NTRK3: variants seen among roughly 807,000 people sequenced by gnomAD.
NTRK3 encodes NT-3 growth factor receptor.
NTRK3 carries 24 observed loss-of-function variants against 91.7 expected under a neutral mutation model. That is an observed-to-expected ratio of 0.26 (90% CI 0.19 to 0.37). NTRK3 has a LOEUF of 0.37. Ranked by LOEUF, NTRK3 falls within the 10% of genes least tolerant of loss-of-function variation. NTRK3 has a pLI of 1.00. For synonymous variants in NTRK3, 483 were observed against 404.0 expected (o/e 1.20, Z -2.34); for missense variants, 880 against 1,068.9 (o/e 0.82, Z 2.46).
intron 13 of NTRK3, among the ~76,000 whole-genome samples, chr15:88,046,073 C>T (rs1043549971): frequency 1.3e-5 from 2 of 152,112 alleles, no homozygotes; most frequent in African/African-American, 4.8e-5. Context: ...TCTTCAGCAC[C>T]CAGGCTGGAG....
chr15:88,252,065 A>G (rs1470665219), intron 3 of NTRK3, among the ~76,000 whole-genome samples: 1 of 152,136 alleles, frequency 6.6e-6, no homozygotes, highest in East Asian at 1.9e-4. Flanking sequence ...TCAGGAGACC[A>G]AGGTCTCCAG....
At chr15:88,185,660 T>C (rs967738384) in intron 3 of NTRK3, among the ~76,000 whole-genome samples, 5 of 151,946 alleles carry the variant, frequency 3.3e-5, no homozygotes, top group Non-Finnish European at 7.4e-5. Context: ...TGCAGAGAGG[T>C]GACAGCTCAT....
At chr15:87,903,020 A>G (rs1466790709) in intron 17 of NTRK3, among the ~76,000 whole-genome samples, 1 of 152,198 alleles carries the variant, frequency 6.6e-6, no homozygotes, top group Non-Finnish European at 1.5e-5. Context: ...TGTCTGAACT[A>G]AAAGCTTTCC....
At chr15:88,007,347 T>G (rs562663114) in intron 14 of NTRK3, among the ~76,000 whole-genome samples, 1 of 152,156 alleles carries the variant, frequency 6.6e-6, no homozygotes, top group Non-Finnish European at 1.5e-5. Context: ...AATACCATAC[T>G]GTTGGCTAAG....
intron 13 of NTRK3, among the ~76,000 whole-genome samples, chr15:88,091,428 T>C (rs2049003755): frequency 6.6e-6 from 1 of 152,244 alleles, no homozygotes; most frequent in African/African-American, 2.4e-5. Context: ...TACCTTCACT[T>C]ATCGTTTCCT....
rs180722654 is a variant in NTRK3 at position 88,175,660 on chromosome 15, A to C, written c.395+7758T>G. On this transcript the variant is annotated intron_variant, in intron 5 of 18. Coordinates refer to ENST00000394480, the Ensembl canonical transcript of NTRK3. ...CAATTTTCTAAAGAATAATAACAGCAATCTCCACTAACATATATTGGGTCA... is the reference window on the plus strand; with the variant it reads ...CAATTTTCTAAAGAATAATAACAGCCATCTCCACTAACATATATTGGGTCA... Among the ~76,000 whole-genome samples, 5 of 152,292 alleles carry C rather than the reference A, an allele frequency of 3.3e-5. No homozygotes were observed. The East Asian group carries it at 9.6e-4, about 29-fold the overall frequency.
At chr15:88,173,121 C>T (rs1417721932) in intron 5 of NTRK3, among the ~76,000 whole-genome samples, 1 of 152,250 alleles carries the variant, frequency 6.6e-6, no homozygotes, top group Admixed American at 6.5e-5. Flanking sequence ...TAAAAGAGGA[C>T]AATAAAGGCG....
rs2277580 is a variant in NTRK3, at chr15:87,933,134, G to A, written c.1767C>T (p.Ala589=). 7,555 of 1,614,048 alleles carry A rather than the reference G, an allele frequency of 4.7e-3. 462 individuals are homozygous for A. The East Asian group carries it at 0.14, about 29-fold the overall frequency. Residue 589 remains alanine, a synonymous_variant, in exon 16 of 19, where the codon GCC becomes GCT. Transcript: ENST00000394480. ...CATGCTGCAGGTTGGTGAGCAGCTC[G>A]GCCTCCCTCTGGAAATCCTTCCGGG...
At chr15:88,191,522 G>C (rs146151790) in intron 3 of NTRK3, among the ~76,000 whole-genome samples, 1 of 152,294 alleles carries the variant, frequency 6.6e-6, no homozygotes, top group East Asian at 1.9e-4. Flanking sequence ...TTGCATACAG[G>C]TGTCCCTTCT....
chr15:88,131,869 G>C (rs1364810389), intron 10 of NTRK3: 2 of 185,364 alleles, frequency 1.1e-5, no homozygotes, highest in African/African-American at 4.7e-5. Context: ...GGAAGAGGAT[G>C]GTACCCAGGA....
intron 14 of NTRK3, among the ~76,000 whole-genome samples, chr15:88,027,314 G>A (rs1394517668): frequency 6.6e-6 from 1 of 152,128 alleles, no homozygotes; most frequent in Non-Finnish European, 1.5e-5. Context: ...TAAAACACCA[G>A]CCCAGTGCTT....
At chr15:88,221,298 ACAAC>A (rs2050212197) in intron 3 of NTRK3, among the ~76,000 whole-genome samples, 2 of 152,222 alleles carry the variant, frequency 1.3e-5, no homozygotes, top group Admixed American at 1.3e-4. Flanking sequence ...TGATGGATGG[ACAAC>A]TTGAATCCTA....
chr15:88,152,114 A>G (rs2043436733), intron 5 of NTRK3, among the ~76,000 whole-genome samples: 1 of 152,174 alleles, frequency 6.6e-6, no homozygotes, highest in South Asian at 2.1e-4. Flanking sequence ...CAGCCTGGCC[A>G]ACATGGTGAA....
chr15:88,038,008 C>G, intron 13 of NTRK3, among the ~76,000 whole-genome samples: 1 of 152,230 alleles, frequency 6.6e-6, no homozygotes, highest in East Asian at 1.9e-4. Context: ...CCAGCACTGC[C>G]TCCCTGAAAG....
chr15:87,953,598 C>T (rs1052004424), intron 14 of NTRK3, among the ~76,000 whole-genome samples: 3 of 152,158 alleles, frequency 2.0e-5, no homozygotes, highest in African/African-American at 7.2e-5. Flanking sequence ...GAATGGCCAC[C>T]TCTTATTGAT....
At chr15:87,985,928 T>C (rs1247870603) in intron 14 of NTRK3, among the ~76,000 whole-genome samples, 2 of 152,192 alleles carry the variant, frequency 1.3e-5, no homozygotes, top group Non-Finnish European at 2.9e-5. Flanking sequence ...ACTATTCCAA[T>C]GATAAGCTGA....
intron 13 of NTRK3, among the ~76,000 whole-genome samples, chr15:88,044,820 C>G (rs777629621): frequency 1.3e-5 from 2 of 152,166 alleles, no homozygotes; most frequent in Non-Finnish European, 2.9e-5. Flanking sequence ...TTGACACAGA[C>G]CCTATCATCT....
chr15:88,044,664 A>C (rs752888312), intron 13 of NTRK3, among the ~76,000 whole-genome samples: 4 of 150,918 alleles, frequency 2.7e-5, no homozygotes, highest in Non-Finnish European at 4.4e-5. Flanking sequence ...TAATGCACCT[A>C]AATCAAAGAT....
chr15:88,052,661 C>T (rs1409690366), intron 13 of NTRK3, among the ~76,000 whole-genome samples: 1 of 152,016 alleles, frequency 6.6e-6, no homozygotes, highest in Non-Finnish European at 1.5e-5. Flanking sequence ...TAATAGTGAG[C>T]TAAAAATGGC....
Sources: gnomAD v4.1 joint callset for allele counts (sites outside exome capture counted in the v4.1 genomes callset) on GRCh38, gnomAD v4.1.1 for gene constraint, MANE v1.5 for transcripts, NCBI Gene and HGNC (gene_info 2026-07-23, HGNC 2026-07-21) for gene names.